Variants in NBAS observed in about 807,000 individuals in gnomAD.
NBAS encodes NAG/BC035112 fusion.
A neutral mutation model predicts 302.5 loss-of-function variants in NBAS; 219 were observed. That is an observed-to-expected ratio of 0.72 (90% confidence interval 0.65 to 0.81). NBAS has a LOEUF of 0.81. Among genes scored for constraint, NBAS ranks in the 30% least tolerant of loss-of-function variants. The pLI, the probability that NBAS is intolerant of heterozygous loss-of-function variation, is 0.00. For synonymous variants in NBAS, 1,118 were observed against 1,021.6 expected (o/e 1.09, Z -1.80); for missense variants, 2,932 against 2,841.6 (o/e 1.03, Z -0.72).
intron 6 of NBAS, among the ~76,000 whole-genome samples, chr2:15,546,481 C>A (rs542947958): frequency 6.6e-6 from 1 of 152,244 alleles, no homozygotes; most frequent in Non-Finnish European, 1.5e-5. Flanking sequence ...GTAAGCCCAG[C>A]ACTTTGGGAG....
chr2:15,479,204 T>C (rs904837928), intron 12 of NBAS, among the ~76,000 whole-genome samples: 2 of 152,132 alleles, frequency 1.3e-5, no homozygotes, highest in Non-Finnish European at 2.9e-5. Flanking sequence ...GACACGGTCT[T>C]AAACTTAATC....
At chr2:15,009,208 C>T in the NBAS span, among the ~76,000 whole-genome samples, 1 of 152,162 alleles carries the variant, frequency 6.6e-6, no homozygotes, top group East Asian at 1.9e-4. Flanking sequence ...AAAGGAATAA[C>T]CTCTCTCTTA....
rs532429417 is a variant in NBAS at position 15,295,573 on chromosome 2, G to T, written c.4798-2807C>A. The stretch of plus-strand genomic sequence containing the variant: ...CAAACCAAGACCTGGTAGGAAGCAG[G>T]TGTTCCAAAAATAAAAGGAATTATG... On this transcript the variant is annotated intron_variant, in intron 40 of 51. Transcript: ENST00000281513. Among the ~76,000 whole-genome samples the T allele has an allele frequency of 2.0e-5, 3 of 152,306 alleles. No homozygotes were observed. The East Asian group carries it at 5.8e-4, about 29-fold the overall frequency.
At chr2:15,207,948 T>C (rs1259371259) in intron 48 of NBAS, among the ~76,000 whole-genome samples, 2 of 152,202 alleles carry the variant, frequency 1.3e-5, no homozygotes, top group African/African-American at 2.4e-5. Flanking sequence ...AGAAGGTCAC[T>C]ATATAATGAT....
intron 50 of NBAS, chr2:15,179,417 GC>G (rs1005418335): frequency 8.9e-6 from 3 of 338,092 alleles, no homozygotes; most frequent in Admixed American, 4.3e-5. Context: ...AACTCTCACA[GC>G]CCTAATTTCC....
chr2:15,333,130 G>C (rs73197060), intron 35 of NBAS, among the ~76,000 whole-genome samples: 4,184 of 152,272 alleles, frequency 0.027, 161 homozygotes, highest in African/African-American at 0.084. Context: ...TATATCCTCT[G>C]CCTGGAGGCA....
chr2:15,560,265 T>C (rs1256721018), intron 1 of NBAS, among the ~76,000 whole-genome samples: 2 of 151,730 alleles, frequency 1.3e-5, no homozygotes, highest in African/African-American at 4.8e-5. Flanking sequence ...TAATAAAAAA[T>C]AAAATAAAAT....
chr2:15,184,849 A>G (rs890733503), intron 50 of NBAS, among the ~76,000 whole-genome samples: 2 of 152,214 alleles, frequency 1.3e-5, no homozygotes, highest in Non-Finnish European at 2.9e-5. Flanking sequence ...TTGCCTTGCA[A>G]AAGTTACAGT....
At chr2:15,314,972 G>A (rs989935673) in intron 38 of NBAS, among the ~76,000 whole-genome samples, 1 of 152,154 alleles carries the variant, frequency 6.6e-6, no homozygotes, top group African/African-American at 2.4e-5. Context: ...TCTACAGTGG[G>A]GAAAAATCAG....
chr2:14,845,962 GA>G, the NBAS span, among the ~76,000 whole-genome samples: 1 of 152,098 alleles, frequency 6.6e-6, no homozygotes, highest in Admixed American at 6.6e-5. Context: ...GCCTTAAAAT[GA>G]AGGTAGAGAT....
intron 33 of NBAS, among the ~76,000 whole-genome samples, chr2:15,355,902 G>A (rs1480602139): frequency 6.6e-6 from 1 of 151,740 alleles, no homozygotes; most frequent in Non-Finnish European, 1.5e-5. Flanking sequence ...AGCAGTGTGA[G>A]AACGAAATAA....
chr2:14,960,584 A>T, the NBAS span, among the ~76,000 whole-genome samples: 1 of 152,214 alleles, frequency 6.6e-6, no homozygotes, highest in Non-Finnish European at 1.5e-5. Context: ...GCTTTAAAAC[A>T]AAGACACTCT....
chr2:15,393,516 C>A (rs1675708479), intron 28 of NBAS: 1 of 374,066 alleles, frequency 2.7e-6, no homozygotes, highest in South Asian at 2.2e-5. Flanking sequence ...TAAAACAGTA[C>A]AAATCCTTTA....
At chr2:14,912,473 G>A in the NBAS span, among the ~76,000 whole-genome samples, 1 of 152,004 alleles carries the variant, frequency 6.6e-6, no homozygotes, top group African/African-American at 2.4e-5. Flanking sequence ...ACACAATACA[G>A]AAAATAACAC....
At chr2:15,192,487 G>A (rs966288005) in intron 48 of NBAS, among the ~76,000 whole-genome samples, 1 of 152,060 alleles carries the variant, frequency 6.6e-6, no homozygotes, top group Non-Finnish European at 1.5e-5. Context: ...AAAAGAAAAT[G>A]ATATTGCCAA....
chr2:15,142,108 A>G, the NBAS span, among the ~76,000 whole-genome samples: 9 of 152,224 alleles, frequency 5.9e-5, no homozygotes, highest in Admixed American at 5.2e-4. Flanking sequence ...TGGGGGACAC[A>G]CACTTCAGAA....
the NBAS span, among the ~76,000 whole-genome samples, chr2:15,102,460 G>T: frequency 6.6e-6 from 1 of 152,186 alleles, no homozygotes; most frequent in Non-Finnish European, 1.5e-5. Context: ...TACTTAACAA[G>T]TGCCAGGTAC....
chr2:15,535,435 T>C (rs1271006122), intron 8 of NBAS, among the ~76,000 whole-genome samples: 1 of 151,778 alleles, frequency 6.6e-6, no homozygotes, highest in Non-Finnish European at 1.5e-5. Flanking sequence ...GGCAGGAGAA[T>C]GGCATGAACC....
chr2:15,529,128 A>C (rs1663094997), intron 9 of NBAS, among the ~76,000 whole-genome samples: 1 of 152,002 alleles, frequency 6.6e-6, no homozygotes, highest in Non-Finnish European at 1.5e-5. Context: ...AACTGAACAC[A>C]TACGCTTTTT....
Sources: gnomAD v4.1 joint callset for allele counts (sites outside exome capture counted in the v4.1 genomes callset) on GRCh38, gnomAD v4.1.1 for gene constraint, MANE v1.5 for transcripts, NCBI Gene and HGNC (gene_info 2026-07-23, HGNC 2026-07-21) for gene names.